The following PACRG variants were observed in gnomAD, a reference collection of about 807,000 sequenced individuals.
PACRG encodes the protein parkin coregulated gene protein.
PACRG carries 29 observed loss-of-function variants against 29.7 expected under a neutral mutation model. The observed-to-expected ratio is 0.98, with a 90% confidence interval of 0.73 to 1.33. PACRG has a LOEUF of 1.33. Ranked by LOEUF, PACRG falls within the 40% of genes most tolerant of loss-of-function variation. PACRG has a pLI of 0.00. For synonymous variants in PACRG, 116 were observed against 118.7 expected (o/e 0.98, Z 0.15); for missense variants, 279 against 316.2 (o/e 0.88, Z 0.89).
chr6:162,787,742 G>T (rs1187039547), intron 1 of PACRG, among the ~76,000 whole-genome samples: 1 of 150,776 alleles, frequency 6.6e-6, no homozygotes, highest in Non-Finnish European at 1.5e-5. Context: ...AATATTTTTT[G>T]AACAGAAAAC....
chr6:162,859,298 A>G (rs1791660587), intron 2 of PACRG, among the ~76,000 whole-genome samples: 1 of 152,216 alleles, frequency 6.6e-6, no homozygotes, highest in African/African-American at 2.4e-5. Context: ...AAATGCATCA[A>G]TCTTCAATTT....
At chr6:163,066,733 T>G (rs1352767235) in intron 3 of PACRG, among the ~76,000 whole-genome samples, 1 of 152,034 alleles carries the variant, frequency 6.6e-6, no homozygotes, top group Non-Finnish European at 1.5e-5. Flanking sequence ...GCTACGAAAA[T>G]TAACTTTACA....
chr6:162,749,385 C>G (rs1781343122), intron 1 of PACRG, among the ~76,000 whole-genome samples: 1 of 152,156 alleles, frequency 6.6e-6, no homozygotes, highest in Non-Finnish European at 1.5e-5. Flanking sequence ...ATGGCAATAA[C>G]AAGAATATCC....
intron 4 of PACRG, among the ~76,000 whole-genome samples, chr6:163,158,512 G>A (rs890477563): frequency 6.6e-6 from 1 of 152,184 alleles, no homozygotes; most frequent in Admixed American, 6.5e-5. Context: ...TAGGGAACGT[G>A]AATTACAGTA....
intron 2 of PACRG, among the ~76,000 whole-genome samples, chr6:162,832,647 A>G (rs935366085): frequency 3.3e-5 from 5 of 152,146 alleles, no homozygotes; most frequent in Non-Finnish European, 1.5e-5. Context: ...TGTAGCTCAC[A>G]TTATTCTGAT....
intron 3 of PACRG, among the ~76,000 whole-genome samples, chr6:163,082,994 A>G (rs1244438557): frequency 6.6e-6 from 1 of 152,180 alleles, no homozygotes; most frequent in African/African-American, 2.4e-5. Flanking sequence ...TTTATTGCCA[A>G]ACTGCTCTGT....
intron 1 of PACRG, among the ~76,000 whole-genome samples, chr6:162,761,455 A>G (rs1385615018): frequency 6.6e-6 from 1 of 152,180 alleles, no homozygotes; most frequent in Non-Finnish European, 1.5e-5. Context: ...TTTAGAAAGC[A>G]TAGGAAGTTT....
intron 2 of PACRG, among the ~76,000 whole-genome samples, chr6:163,036,238 A>G (rs1808175491): frequency 6.6e-6 from 1 of 152,186 alleles, no homozygotes; most frequent in Non-Finnish European, 1.5e-5. Context: ...TGTTAAAACT[A>G]TATAGACTAT....
chr6:162,850,441 A>G (rs1045119354), intron 2 of PACRG, among the ~76,000 whole-genome samples: 7 of 152,228 alleles, frequency 4.6e-5, no homozygotes, highest in Admixed American at 2.0e-4. Flanking sequence ...GGAGCTGGTC[A>G]CTAGAAAGAC....
At chr6:162,963,319 G>A (rs376763517) in intron 2 of PACRG, among the ~76,000 whole-genome samples, 1 of 152,012 alleles carries the variant, frequency 6.6e-6, no homozygotes, top group East Asian at 1.9e-4. Context: ...ATTTCAAGTA[G>A]GCAAATATCA....
At chr6:162,981,184 A>G (rs1045056047) in intron 2 of PACRG, among the ~76,000 whole-genome samples, 5 of 151,820 alleles carry the variant, frequency 3.3e-5, no homozygotes, top group East Asian at 1.9e-4. Flanking sequence ...ATACTCTCCA[A>G]TTCTATCCAG....
intron 1 of PACRG, among the ~76,000 whole-genome samples, chr6:162,779,937 A>T (rs2128312544): frequency 6.6e-6 from 1 of 152,308 alleles, no homozygotes; most frequent in African/African-American, 2.4e-5. Flanking sequence ...GCCTGGGAAA[A>T]GTTTTCAGAG....
chr6:163,017,686 A>G (rs997540208), intron 2 of PACRG, among the ~76,000 whole-genome samples: 1 of 152,178 alleles, frequency 6.6e-6, no homozygotes, highest in Non-Finnish European at 1.5e-5. Flanking sequence ...AGAGAGACAG[A>G]CAGACAGACG....
intron 2 of PACRG, among the ~76,000 whole-genome samples, chr6:162,964,133 A>C (rs1800847729): frequency 6.6e-6 from 1 of 152,212 alleles, no homozygotes. Context: ...GAAGCAGATA[A>C]TGGATTACAG....
chr6:162,729,498 T>G (rs1418264279), intron 1 of PACRG, among the ~76,000 whole-genome samples: 1 of 152,150 alleles, frequency 6.6e-6, no homozygotes. Context: ...TTGGGAAGTG[T>G]GTCAGGTGAT....
At chr6:163,203,380 T>A (rs934888074) in intron 4 of PACRG, among the ~76,000 whole-genome samples, 2 of 152,012 alleles carry the variant, frequency 1.3e-5, no homozygotes, top group East Asian at 3.9e-4. Flanking sequence ...GCCATTGCAC[T>A]CCAGCCGGGC....
At chr6:162,996,080 T>G (rs1412955098) in intron 2 of PACRG, among the ~76,000 whole-genome samples, 2 of 152,148 alleles carry the variant, frequency 1.3e-5, no homozygotes, top group Non-Finnish European at 2.9e-5. Flanking sequence ...TACTTCATAT[T>G]TGTATACTTG....
intron 4 of PACRG, among the ~76,000 whole-genome samples, chr6:163,224,110 T>TGTAATCCTA (rs1781691459): frequency 6.6e-6 from 1 of 151,952 alleles, no homozygotes; most frequent in African/African-American, 2.4e-5. Context: ...GGCTCATGCC[T>TGTAATCCTA]GTAATCCTAG....
chr6:162,786,983 T>C (rs879809573), intron 1 of PACRG, among the ~76,000 whole-genome samples: 16 of 152,308 alleles, frequency 1.1e-4, no homozygotes, highest in Admixed American at 1.0e-3. Flanking sequence ...ACATTTTAAA[T>C]TATACGAAAG....
Sources: allele counts gnomAD v4.1 joint callset (sites outside exome capture counted in the v4.1 genomes callset), GRCh38; gene constraint gnomAD v4.1.1; transcripts MANE v1.5; gene names NCBI Gene and HGNC (gene_info 2026-07-23, HGNC 2026-07-21).